SYNDIG1L: variants seen among roughly 807,000 people sequenced by gnomAD.
SYNDIG1L encodes the protein synapse differentiation inducing 1 like.
In SYNDIG1L, 13 loss-of-function variants were observed where a neutral mutation model predicts 20.1. That is an observed-to-expected ratio of 0.65 (90% confidence interval 0.42 to 1.03). SYNDIG1L has a LOEUF of 1.03. Ranked by LOEUF, SYNDIG1L falls within the 50% of genes least tolerant of loss-of-function variation. The pLI, the probability that SYNDIG1L is intolerant of heterozygous loss-of-function variation, is 0.00. For missense variants in SYNDIG1L, 294 were observed against 305.1 expected (o/e 0.96, Z 0.27); for synonymous variants, 128 against 129.3 (o/e 0.99, Z 0.07).
At chr14:74,439,980 C>T in the SYNDIG1L span, among the ~76,000 whole-genome samples, 1 of 152,124 alleles carries the variant, frequency 6.6e-6, no homozygotes, top group Non-Finnish European at 1.5e-5. Flanking sequence ...AAGCCCACTT[C>T]CAACTGATTA....
At chr14:74,467,014 A>C in the SYNDIG1L span, among the ~76,000 whole-genome samples, 1 of 152,172 alleles carries the variant, frequency 6.6e-6, no homozygotes, top group Non-Finnish European at 1.5e-5. Context: ...GGCCATGTTG[A>C]CTGCAGAATG....
the SYNDIG1L span, chr14:74,476,478 C>A: frequency 2.0e-6 from 3 of 1,513,902 alleles, no homozygotes; most frequent in Non-Finnish European, 1.8e-6. Flanking sequence ...GGGAGCCACA[C>A]TGACATGCCA....
intron 1 of SYNDIG1L, among the ~76,000 whole-genome samples, chr14:74,413,731 T>G (rs1358509436): frequency 6.6e-6 from 1 of 152,122 alleles, no homozygotes; most frequent in Non-Finnish European, 1.5e-5. Flanking sequence ...TTTCTAGGTT[T>G]GGCGGCTGAG....
At chr14:74,446,208 A>G in the SYNDIG1L span, among the ~76,000 whole-genome samples, 7 of 152,210 alleles carry the variant, frequency 4.6e-5, no homozygotes, top group Non-Finnish European at 7.3e-5. Context: ...TAGTAAATTT[A>G]AATTTGTGAT....
intron 1 of SYNDIG1L, among the ~76,000 whole-genome samples, chr14:74,414,753 G>T (rs1035163183): frequency 1.3e-5 from 2 of 152,128 alleles, no homozygotes; most frequent in African/African-American, 4.8e-5. Flanking sequence ...AAATGCTCGT[G>T]TTGACTCTAG....
chr14:74,433,795 C>T, the SYNDIG1L span, among the ~76,000 whole-genome samples: 7 of 152,134 alleles, frequency 4.6e-5, no homozygotes, highest in African/African-American at 1.7e-4. Context: ...CTTGTAAGGA[C>T]AGAGCCCAGA....
chr14:74,459,702 C>T, the SYNDIG1L span, among the ~76,000 whole-genome samples: 15,727 of 152,220 alleles, frequency 0.1, 1,364 homozygotes, highest in African/African-American at 0.23. Context: ...ACGTCCAGGC[C>T]TTGGCTACCT....
intron 1 of SYNDIG1L, among the ~76,000 whole-genome samples, chr14:74,415,710 T>G (rs1194545310): frequency 6.6e-6 from 1 of 152,100 alleles, no homozygotes; most frequent in East Asian, 1.9e-4. Context: ...CAGCTATTTT[T>G]TTGTATTTTT....
the SYNDIG1L span, among the ~76,000 whole-genome samples, chr14:74,469,790 A>G: frequency 6.6e-5 from 10 of 152,224 alleles, no homozygotes; most frequent in Non-Finnish European, 1.5e-4. Flanking sequence ...TTTGCTGCTA[A>G]GTCTGGCAAC....
chr14:74,479,860 G>A, the SYNDIG1L span: 1 of 655,754 alleles, frequency 1.5e-6, no homozygotes, highest in African/African-American at 1.9e-5. Flanking sequence ...TGCACTCTGG[G>A]ACCACGGAAC....
chr14:74,407,355 C>A lies in SYNDIG1L; in HGVS notation c.*180G>T. 1 of 861,082 alleles carries A rather than the reference C, an allele frequency of 1.2e-6. No homozygotes were observed. Among genetic ancestry groups the A allele is most frequent in the Non-Finnish European group, 1.7e-6 (1 of 571,832 alleles). 53.3% of individuals were successfully genotyped at this position (861,082 alleles called of 1,614,324 possible). A position where few individuals can be genotyped will look rare whatever the true frequency, so the allele number is the denominator to read the frequency against. On this transcript the variant is annotated 3_prime_UTR_variant, in exon 4 of 4. Coordinates refer to ENST00000331628, the MANE Select transcript of SYNDIG1L (RefSeq NM_001105579.2). Reference sequence around the variant, plus strand: ...CCGGGCCCTGCTCTGGGGCTGGGAGCAGCGGGCAAGCAGAAGTGAAGGCTG... The same window carrying A: ...CCGGGCCCTGCTCTGGGGCTGGGAGAAGCGGGCAAGCAGAAGTGAAGGCTG...
chr14:74,432,140 G>GGTGTGT, the SYNDIG1L span, among the ~76,000 whole-genome samples: 3,118 of 120,966 alleles, frequency 0.026, 56 homozygotes, highest in Middle Eastern at 0.037. Context: ...TGCCTTGGAA[G>GGTGTGT]GTGTGTGTGT....
At chr14:74,476,515 A>T in the SYNDIG1L span, 1 of 1,535,472 alleles carries the variant, frequency 6.5e-7, no homozygotes, top group Non-Finnish European at 8.7e-7. Context: ...TCAGGCTCTT[A>T]GTCTCCATTT....
At chr14:74,421,012 C>T (rs1477587081) in intron 1 of SYNDIG1L, among the ~76,000 whole-genome samples, 2 of 151,972 alleles carry the variant, frequency 1.3e-5, no homozygotes, top group African/African-American at 4.8e-5. Context: ...TAATAAAAAA[C>T]AACTACAGGA....
the SYNDIG1L span, among the ~76,000 whole-genome samples, chr14:74,441,896 C>G: frequency 6.6e-6 from 1 of 152,184 alleles, no homozygotes; most frequent in South Asian, 2.1e-4. Flanking sequence ...CTGCAGGGAA[C>G]TGGTGTCCTT....
At chr14:74,438,548 A>G in the SYNDIG1L span, among the ~76,000 whole-genome samples, 1 of 152,224 alleles carries the variant, frequency 6.6e-6, no homozygotes, top group Non-Finnish European at 1.5e-5. Context: ...CAAATTGCTA[A>G]TAATTATTGA....
intron 3 of SYNDIG1L, 60 bp downstream of exon 3, chr14:74,407,789 G>T (rs967168787): frequency 6.3e-7 from 1 of 1,579,900 alleles, no homozygotes; most frequent in Admixed American, 1.8e-5. Flanking sequence ...CAGACGGGAT[G>T]CCAAGCCCTC....
chr14:74,470,023 C>T, the SYNDIG1L span, among the ~76,000 whole-genome samples: 8 of 151,900 alleles, frequency 5.3e-5, no homozygotes, highest in Admixed American at 4.6e-4. Flanking sequence ...GGTGATTTAT[C>T]GAGAAGGTTA....
upstream of SYNDIG1L, among the ~76,000 whole-genome samples, chr14:74,430,120 A>T (rs2086292310): frequency 6.6e-6 from 1 of 152,108 alleles, no homozygotes; most frequent in African/African-American, 2.4e-5. Flanking sequence ...TGGGGAGCAG[A>T]GTGGGTGAGC....
Sources: allele counts gnomAD v4.1 joint callset (sites outside exome capture counted in the v4.1 genomes callset), GRCh38; gene constraint gnomAD v4.1.1; transcripts MANE v1.5; gene names NCBI Gene and HGNC (gene_info 2026-07-23, HGNC 2026-07-21).